FBXL13: variants seen among roughly 807,000 people sequenced by gnomAD.
The protein encoded by FBXL13 is F-box and leucine-rich repeat protein 13.
In FBXL13, 67 loss-of-function variants were observed where a neutral mutation model predicts 83.6. The observed-to-expected ratio is 0.80, with a 90% CI of 0.66 to 0.98. The LOEUF (loss-of-function observed/expected upper bound fraction) is 0.98, where lower values mean the gene tolerates loss of function less well. FBXL13 is among the 50% of genes least tolerant of loss of function. The pLI is 0.00. For synonymous variants in FBXL13, 272 were observed against 299.5 expected, an observed-to-expected ratio of 0.91 and a Z score of 0.95; for missense variants, 822 against 866.5, an observed-to-expected ratio of 0.95 and a Z score of 0.64.
At chr7:103,015,896 A>G (rs887241876) in intron 6 of FBXL13, among the ~76,000 whole-genome samples, 1 of 152,292 alleles carries the variant, frequency 6.6e-6, no homozygotes, top group Admixed American at 6.5e-5. Flanking sequence ...TTCATTCACA[A>G]TAGCCACAAA....
At chr7:103,016,833 C>T (rs1050352345) in intron 6 of FBXL13, among the ~76,000 whole-genome samples, 2 of 152,184 alleles carry the variant, frequency 1.3e-5, no homozygotes, top group African/African-American at 2.4e-5. Context: ...CCTGGAAGCT[C>T]GAACTGGGTA....
Position 102,942,236 on chromosome 7 carries a change from TTAAGGCAAAATGACC to T in FBXL13, c.725-10318_725-10304del, listed in dbSNP as rs1305089576. The T allele has an allele frequency of 1.5e-5, 22 of 1,441,216 alleles. No homozygotes were observed. In the African/African-American group the frequency reaches 2.9e-4, roughly 19 times the overall value. 89.3% of individuals were successfully genotyped at this position (1,441,216 alleles called of 1,614,324 possible). On this transcript the variant is annotated intron_variant, in intron 8 of 19. Transcript: ENST00000313221. ...TTGAAACAAAAAAGTATCTTGGCAGTTAAGGCAAAATGACCTAAAGAAGTTTTAAAATGAAAGGTC... is the reference window on the plus strand; with the variant it reads ...TTGAAACAAAAAAGTATCTTGGCAGTTAAAGAAGTTTTAAAATGAAAGGTC...
chr7:102,869,042 T>C (rs1326070173), intron 16 of FBXL13, among the ~76,000 whole-genome samples: 1 of 152,252 alleles, frequency 6.6e-6, no homozygotes, highest in Non-Finnish European at 1.5e-5. Context: ...ATTAATTTTT[T>C]GAGGAACCTC....
chr7:102,836,099 C>G (rs1801932744), intron 17 of FBXL13, among the ~76,000 whole-genome samples: 1 of 152,172 alleles, frequency 6.6e-6, no homozygotes, highest in South Asian at 2.1e-4. Context: ...GTAGCATCTG[C>G]CAATGTCTTG....
chr7:103,020,619 A>G (rs1793041603), intron 6 of FBXL13, among the ~76,000 whole-genome samples: 2 of 152,250 alleles, frequency 1.3e-5, no homozygotes, highest in Non-Finnish European at 2.9e-5. Context: ...TAAGCTGATA[A>G]GCAACTTCAG....
intron 10 of FBXL13, 78 bp from the exon 12 acceptor site, chr7:102,913,293 A>T: frequency 6.4e-7 from 1 of 1,563,188 alleles, no homozygotes; most frequent in Non-Finnish European, 8.7e-7. Context: ...ACTATGACAA[A>T]GAAAACTGTA....
chr7:103,041,577 A>C (rs533240257), intron 2 of FBXL13, among the ~76,000 whole-genome samples: 24 of 152,324 alleles, frequency 1.6e-4, no homozygotes, highest in African/African-American at 5.8e-4. Flanking sequence ...TCCTTAATAA[A>C]ATACTGGAAA....
At chr7:102,897,777 T>A (rs1052343513) in intron 11 of FBXL13, among the ~76,000 whole-genome samples, 1 of 152,054 alleles carries the variant, frequency 6.6e-6, no homozygotes. Flanking sequence ...CTTATTGAGA[T>A]CTGACACTTT....
chr7:102,861,397 G>T (rs1806816903), intron 16 of FBXL13, among the ~76,000 whole-genome samples: 1 of 151,908 alleles, frequency 6.6e-6, no homozygotes, highest in Non-Finnish European at 1.5e-5. Context: ...TGTTCCTTAT[G>T]ATTAGATTCA....
intron 8 of FBXL13, among the ~76,000 whole-genome samples, chr7:102,941,064 T>C (rs4727558): frequency 0.97 from 148,045 of 152,344 alleles, 72,091 homozygotes; most frequent in East Asian, 1. Flanking sequence ...GAGTTAACCT[T>C]TTTTTAAAAA....
intron 5 of FBXL13, among the ~76,000 whole-genome samples, chr7:103,025,989 T>C (rs1008257301): frequency 6.6e-5 from 10 of 150,640 alleles, no homozygotes; most frequent in African/African-American, 2.4e-4. Context: ...AACTATATAA[T>C]ATATATAATA....
chr7:103,003,591 G>A (rs1248462719), intron 6 of FBXL13, among the ~76,000 whole-genome samples: 2 of 145,236 alleles, frequency 1.4e-5, no homozygotes, highest in Non-Finnish European at 3.0e-5. Context: ...GGCCATTTTT[G>A]TTTGTTTTGA....
At chr7:102,922,241 G>C (rs1817198485) in intron 10 of FBXL13, among the ~76,000 whole-genome samples, 1 of 151,378 alleles carries the variant, frequency 6.6e-6, no homozygotes, top group African/African-American at 2.4e-5. Flanking sequence ...CTGAGTGAAA[G>C]AGGAAAGCAA....
chr7:102,843,686 G>T (rs942304991), intron 17 of FBXL13, among the ~76,000 whole-genome samples: 1 of 152,164 alleles, frequency 6.6e-6, no homozygotes, highest in Admixed American at 6.5e-5. Flanking sequence ...TGAGACAGGA[G>T]AATCGCTTGA....
chr7:103,025,317 G>T, intron 5 of FBXL13, 87 bp from the exon 7 acceptor site: 1 of 708,032 alleles, frequency 1.4e-6, no homozygotes. Context: ...CTTGACACAA[G>T]AATAGGACCA....
chr7:102,960,767 T>C (rs896615347), intron 8 of FBXL13, among the ~76,000 whole-genome samples: 11 of 151,690 alleles, frequency 7.3e-5, no homozygotes, highest in Admixed American at 2.0e-4. Context: ...AGAAAAAGCC[T>C]TTGACAAAAT....
At chr7:102,863,974 T>C (rs1807254366) in intron 16 of FBXL13, among the ~76,000 whole-genome samples, 1 of 152,146 alleles carries the variant, frequency 6.6e-6, no homozygotes, top group Non-Finnish European at 1.5e-5. Flanking sequence ...CAAAACCTCA[T>C]TATTTCTAGC....
Position 102,915,636 on chromosome 7 carries a change from G to A in FBXL13, c.879-2421C>T, listed in dbSNP as rs139149890. On this transcript the variant is annotated intron_variant, in intron 10 of 19. Coordinates refer to ENST00000313221, the Ensembl canonical transcript of FBXL13. The stretch of plus-strand genomic sequence containing the variant: ...CTTTTGGCAGTCAGCTGAGGTCTCT[G>A]GCCCCTTTCTTGGCATAAAGTTTTT... Among the ~76,000 whole-genome samples the A allele has an allele frequency of 1.6e-3, 250 of 152,138 alleles. 2 individuals carry two copies. The highest frequency in any genetic ancestry group is 5.6e-3 in the African/African-American group (233 of 41,510).
At chr7:102,879,832 G>A (rs979728959) in intron 14 of FBXL13, among the ~76,000 whole-genome samples, 7 of 152,066 alleles carry the variant, frequency 4.6e-5, no homozygotes, top group Non-Finnish European at 8.8e-5. Context: ...TCAGCCTCCC[G>A]AGTAGCTAGG....
Sources: allele counts gnomAD v4.1 joint callset (sites outside exome capture counted in the v4.1 genomes callset), GRCh38; gene constraint gnomAD v4.1.1; transcripts MANE v1.5; gene names NCBI Gene and HGNC (gene_info 2026-07-23, HGNC 2026-07-21).